DMD: variants seen among roughly 807,000 people sequenced by gnomAD.
DMD encodes the protein mutant dystrophin.
Under a neutral mutation model 330.1 loss-of-function variants are expected in DMD, and 63 were observed. The observed-to-expected ratio is 0.19, with a 90% CI of 0.16 to 0.24. The LOEUF (loss-of-function observed/expected upper bound fraction) is 0.24, where lower values mean the gene tolerates loss of function less well. Ranked by LOEUF, DMD falls within the 10% of genes least tolerant of loss-of-function variation. The probability of loss-of-function intolerance (pLI) is 1.00; values close to 1 mark genes in which losing one functional copy is unlikely to be tolerated. For synonymous variants in DMD, 1,223 were observed against 959.8 expected (o/e 1.27, Z -5.07); for missense variants, 3,344 against 2,684.1 (o/e 1.25, Z -5.43).
chrX:32,425,715 C>G (rs1157854587), intron 29 of DMD, among the ~76,000 whole-genome samples: 1 of 111,415 alleles, frequency 9.0e-6, no homozygotes, highest in Admixed American at 9.6e-5. Context: ...CTAGTGGAGG[C>G]ATCATGTTAG....
chrX:32,281,821 G>A (rs904786539), intron 43 of DMD, among the ~76,000 whole-genome samples: 35 of 110,952 alleles, frequency 3.2e-4, no homozygotes, highest in African/African-American at 9.8e-4. Context: ...TTTTTTTAGA[G>A]GTTTCTTTTT....
In DMD at chrX:31,658,086, G is replaced by A; in HGVS notation, c.7931C>T (p.Ala2644Val). The change falls in exon 54 of 79, where the codon GCC (alanine) becomes GTC (valine). Residue 2644 changes from alanine to valine, a missense_variant. Transcript: ENST00000357033. Reference protein sequence around the residue: ...QTNVDVANDLALKLLRDYSAD... With the variant: ...QTNVDVANDLVLKLLRDYSAD... ...AGAATAATCCCGGAGAAGTTTCAGG[G>A]CCAAGTCATTTGCCACATCTACATT... is the stretch of plus-strand genomic sequence containing the variant. 2.5e-6 allele frequency: 3 copies of A among 1,211,531 alleles called. No homozygotes were observed. Among genetic ancestry groups the A allele is most frequent in the East Asian group, 3.0e-5 (1 of 33,849 alleles).
At chrX:31,500,902 A>G (rs1466591697) in intron 56 of DMD, among the ~76,000 whole-genome samples, 2 of 112,367 alleles carry the variant, frequency 1.8e-5, no homozygotes, top group Non-Finnish European at 3.8e-5. Context: ...TTTTAACCAA[A>G]TGTTTTTGAT....
intron 2 of DMD, among the ~76,000 whole-genome samples, chrX:32,980,692 C>G (rs940486668): frequency 5.4e-5 from 6 of 111,256 alleles, no homozygotes; most frequent in Non-Finnish European, 1.1e-4. Flanking sequence ...CATTTTTCTG[C>G]TTAAAAATTT....
chrX:31,511,540 T>C (rs762173693), intron 55 of DMD, among the ~76,000 whole-genome samples: 1 of 92,442 alleles, frequency 1.1e-5, no homozygotes, highest in African/African-American at 4.0e-5. Flanking sequence ...TGTCCATGTG[T>C]TCTCATTGTT....
chrX:31,934,394 T>A (rs578131277), intron 45 of DMD, among the ~76,000 whole-genome samples: 28 of 112,231 alleles, frequency 2.5e-4, no homozygotes, highest in African/African-American at 7.4e-4. Flanking sequence ...TAAAGTTACA[T>A]TCTCCCCTCT....
At chrX:32,406,180 C>T (rs1336597278) in intron 30 of DMD, among the ~76,000 whole-genome samples, 1 of 111,500 alleles carries the variant, frequency 9.0e-6, no homozygotes, top group South Asian at 3.8e-4. Context: ...TCTAGATATA[C>T]AATCATGTCA....
intron 13 of DMD, among the ~76,000 whole-genome samples, chrX:32,574,501 C>T (rs190440881): frequency 8.9e-6 from 1 of 111,833 alleles, no homozygotes; most frequent in Non-Finnish European, 1.9e-5. Flanking sequence ...CATAAACCAA[C>T]TATCAATGAT....
intron 50 of DMD, among the ~76,000 whole-genome samples, chrX:31,781,944 T>A (rs778743178): frequency 4.5e-5 from 5 of 111,556 alleles, no homozygotes; most frequent in African/African-American, 9.8e-5. Context: ...AATAGCTGCT[T>A]AGAATTTGTG....
At chrX:33,307,338 A>AAAAT (rs1193559751) in intron 1 of DMD, among the ~76,000 whole-genome samples, 2 of 112,116 alleles carry the variant, frequency 1.8e-5, no homozygotes, top group Admixed American at 9.5e-5. Context: ...TAATTTTGTA[A>AAAAT]AAATAAATAA....
chrX:32,693,144 G>T (rs781479904), intron 9 of DMD, among the ~76,000 whole-genome samples: 2 of 111,367 alleles, frequency 1.8e-5, no homozygotes. Context: ...AAGTTGAAAG[G>T]GGGCAATGAG....
intron 59 of DMD, among the ~76,000 whole-genome samples, chrX:31,471,154 G>C (rs745567763): frequency 9.0e-6 from 1 of 111,001 alleles, no homozygotes; most frequent in African/African-American, 3.3e-5. Flanking sequence ...TTCCAGGGGA[G>C]TGAATGGTTC....
chrX:31,942,971 G>A (rs1441524890), intron 45 of DMD, among the ~76,000 whole-genome samples: 2 of 111,971 alleles, frequency 1.8e-5, no homozygotes, highest in African/African-American at 6.5e-5. Context: ...TAAAATTAAC[G>A]AAATTCAACC....
intron 43 of DMD, among the ~76,000 whole-genome samples, chrX:32,255,368 T>A (rs1196536000): frequency 9.0e-6 from 1 of 111,506 alleles, no homozygotes; most frequent in Non-Finnish European, 1.9e-5. Context: ...AGTCTTGTAG[T>A]TTAAAAATAA....
At chrX:32,041,796 C>T (rs913070107) in intron 44 of DMD, among the ~76,000 whole-genome samples, 2 of 108,662 alleles carry the variant, frequency 1.8e-5, no homozygotes, top group Non-Finnish European at 3.8e-5. Context: ...TTCAAATTAG[C>T]ACTGTCGTTG....
At chrX:31,283,036 C>A (rs528619364) in intron 62 of DMD, among the ~76,000 whole-genome samples, 1 of 111,180 alleles carries the variant, frequency 9.0e-6, no homozygotes, top group Middle Eastern at 4.7e-3. Context: ...TTCAACTTTT[C>A]AAACTGAAAG....
intron 43 of DMD, among the ~76,000 whole-genome samples, chrX:32,278,796 C>G (rs2097401038): frequency 9.0e-6 from 1 of 111,649 alleles, no homozygotes; most frequent in Non-Finnish European, 1.9e-5. Context: ...GCACAGGCAA[C>G]AAAAGCAAAA....
chrX:32,592,551 C>T (rs947101776), intron 13 of DMD, among the ~76,000 whole-genome samples: 5 of 111,577 alleles, frequency 4.5e-5, no homozygotes, highest in African/African-American at 1.3e-4. Context: ...GCTGTTCTCT[C>T]GCTCAATGAA....
intron 44 of DMD, among the ~76,000 whole-genome samples, chrX:32,199,884 G>C (rs779188055): frequency 1.9e-5 from 2 of 107,102 alleles, no homozygotes; most frequent in Non-Finnish European, 3.8e-5. Context: ...AAACTTCTGG[G>C]CTCAAGCAAT....
Sources: gnomAD v4.1 joint callset for allele counts (sites outside exome capture counted in the v4.1 genomes callset) on GRCh38, gnomAD v4.1.1 for gene constraint, MANE v1.5 for transcripts, NCBI Gene and HGNC (gene_info 2026-07-23, HGNC 2026-07-21) for gene names.